Variants in MPO observed in about 807,000 individuals in gnomAD.
MPO encodes the protein myeloperoxidase.
Under a neutral mutation model 69.4 loss-of-function variants are expected in MPO, and 57 were observed. The observed-to-expected ratio is 0.82, with a 90% CI of 0.66 to 1.02. MPO has a LOEUF of 1.02. Ranked by LOEUF, MPO falls within the 50% of genes least tolerant of loss-of-function variation. The pLI, the probability that MPO is intolerant of heterozygous loss-of-function variation, is 0.00. For missense variants in MPO, 971 were observed against 1,014.1 expected (o/e 0.96, Z 0.58); for synonymous variants, 426 against 417.1 (o/e 1.02, Z -0.26).
At chr17:58,277,014 A>G (rs1220318835) in intron 7 of MPO, among the ~76,000 whole-genome samples, 3 of 152,146 alleles carry the variant, frequency 2.0e-5, no homozygotes, top group African/African-American at 7.2e-5. Context: ...AGGCTGAGGC[A>G]GAAGAATCAC....
intron 2 of MPO, 104 bp from the exon 3 acceptor site, chr17:58,280,118 G>A (rs1381971942): frequency 3.4e-6 from 5 of 1,468,926 alleles, no homozygotes; most frequent in South Asian, 1.2e-5. Context: ...GCAGGCCCAC[G>A]GGTGGGAGGA....
At chr17:58,280,344 T>C (rs758074935) in intron 2 of MPO, 22 bp downstream of exon 2, 1 of 1,611,608 alleles carries the variant, frequency 6.2e-7, no homozygotes, top group African/African-American at 1.3e-5. Flanking sequence ...TGCCCAGAGC[T>C]GGGCAGTGCC....
chr17:58,273,043 C>A (rs959112827), intron 9 of MPO, 125 bp from the exon 10 acceptor site: 12 of 1,251,550 alleles, frequency 9.6e-6, no homozygotes, highest in Non-Finnish European at 1.3e-5. Context: ...CAAGCAGTGC[C>A]TGGTGCCAAG....
rs1204215941 is a variant in MPO, at chr17:58,278,111, G to A, written c.920C>T (p.Ala307Val). 6.2e-7 allele frequency: 1 copy of A among 1,605,190 alleles called. No individual in the cohort carries two copies. Among genetic ancestry groups the A allele is most frequent in the South Asian group, 1.1e-5 (1 of 91,080 alleles). ...GGAGCGGAAGAACGGGATGCAGTCG[G>A]CTTGGTTCTTGATGCGGGGGTCATT... is the stretch of plus-strand genomic sequence containing the variant. The part of the protein sequence containing the change: ...PPNDPRIKNQ[A>V]DCIPFFRSCP... Residue 307 changes from alanine (A) to valine (V), a missense_variant, in exon 7 of 12, where the codon GCC (alanine) becomes GTC (valine). Physicochemically the swap from Ala to Val is moderately conservative, Grantham distance 64. Coordinates refer to ENST00000225275, the MANE Select transcript of MPO (RefSeq NM_000250.2).
chr17:58,271,400 G>A (rs1970362771), intron 11 of MPO, among the ~76,000 whole-genome samples: 1 of 152,162 alleles, frequency 6.6e-6, no homozygotes, highest in Non-Finnish European at 1.5e-5. Flanking sequence ...AAACCCATGG[G>A]AAGAAGTAGC....
At chr17:58,274,347 A>AGAGTGTGT (rs1555607699) in intron 8 of MPO, 1 of 316,530 alleles carries the variant, frequency 3.2e-6, no homozygotes, top group African/African-American at 2.3e-5. Flanking sequence ...AGAATCTAGG[A>AGAGTGTGT]GTGTGTGTGT....
Position 58,275,706 on chromosome 17 carries a change from G to C in MPO, c.1205-4C>G. 1 of 1,614,092 alleles carries C rather than the reference G, an allele frequency of 6.2e-7. No homozygotes were observed. The highest frequency in any genetic ancestry group is 8.5e-7 in the Non-Finnish European group (1 of 1,179,996). ...ATCTCACTGGAACGGGTGTCCCCTT[G>C]GGGAGGCAAAAGCCACTGTCATTCT... On this transcript the variant is annotated splice_region_variant and splice_polypyrimidine_tract_variant and intron_variant, in intron 7 of 11. Transcript: ENST00000225275. The surrounding 1 kb of genome is among the most constrained non-coding windows in gnomAD (Gnocchi z 4.1).
chr17:58,272,498 T>G (rs1970378405), intron 10 of MPO, among the ~76,000 whole-genome samples: 1 of 152,162 alleles, frequency 6.6e-6, no homozygotes, highest in Admixed American at 6.5e-5. Flanking sequence ...AGACTGTGGG[T>G]TATCATTATG....
Position 58,270,387 on chromosome 17 carries a change from T to C in MPO, c.*269A>G. ...GTCCGCTCTGCTGCCTTCCACATAC[T>C]CAGTATTCTCATCAGCACAAACACA... On this transcript the variant is annotated 3_prime_UTR_variant, in exon 12 of 12. Coordinates refer to ENST00000225275, the MANE Select transcript of MPO (RefSeq NM_000250.2). This position sits in a 1 kb window ranked among gnomAD's most constrained non-coding sequence, Gnocchi z 4.1. 1 of 477,874 alleles carries C rather than the reference T, an allele frequency of 2.1e-6. No homozygotes were observed. Among genetic ancestry groups the C allele is most frequent in the Non-Finnish European group, 3.9e-6 (1 of 256,636 alleles). The allele number at this position is 477,874 out of a possible 1,614,324, so 29.6% of individuals were successfully genotyped here.
In MPO at chr17:58,280,837, A is replaced by G. The variant is rs1462552496; in HGVS notation, c.-79T>C. 1 of 1,558,874 alleles carries G rather than the reference A, an allele frequency of 6.4e-7. No homozygotes were observed. On this transcript the variant is annotated 5_prime_UTR_variant, in exon 1 of 12. Coordinates refer to ENST00000225275, the MANE Select transcript of MPO (RefSeq NM_000250.2). ...GGGCCCTGTCTATGGATAAAGCCAGACCTCCTTGAGGGAGGGGCTCACTGC... is the reference window on the plus strand; with the variant it reads ...GGGCCCTGTCTATGGATAAAGCCAGGCCTCCTTGAGGGAGGGGCTCACTGC...
chr17:58,273,472 G>T lies in MPO; in HGVS notation c.1563C>A (p.Pro521=). 1 of 1,610,660 alleles carries T rather than the reference G, an allele frequency of 6.2e-7. No individual in the cohort carries two copies. Among genetic ancestry groups the T allele is most frequent in the Non-Finnish European group, 8.5e-7 (1 of 1,176,732 alleles). Residue 521 remains proline, a synonymous_variant, in exon 9 of 12, where the codon CCC becomes CCA. Transcript: ENST00000225275. ...RLDNRYQPME[P]NPRVPLSRVF... ...CCCTGCTGAGGGGGACACGGGGGTT[G>T]GGTTCCATGGGCTGGTACCGATTGT...
intron 2 of MPO, 71 bp from the exon 3 acceptor site, chr17:58,280,085 G>A (rs537847924): frequency 1.9e-6 from 3 of 1,592,870 alleles, no homozygotes; most frequent in East Asian, 2.2e-5. Flanking sequence ...CCAGCCCAGG[G>A]GCAGACATGC....
rs397843937 is a variant in MPO, at chr17:58,275,523, G to C, written c.1365+19C>G. The C allele has an allele frequency of 1.2e-6, 2 of 1,614,082 alleles. No individual in the cohort carries two copies. The highest frequency in any genetic ancestry group is 2.2e-5 in the East Asian group (1 of 44,884). ...GGACACATCTGGATCCCGTGTGCCC[G>C]GTGTTCAAGACGGCCTACCTGGACC... is the stretch of plus-strand genomic sequence containing the variant. On this transcript the variant is annotated intron_variant, in intron 8 of 11. Coordinates refer to ENST00000225275, the MANE Select transcript of MPO (RefSeq NM_000250.2). This position sits in a 1 kb window ranked among gnomAD's most constrained non-coding sequence, Gnocchi z 4.1.
At position 58,275,520 on chromosome 17, in the gene MPO, C is replaced by T; in HGVS notation, c.1365+22G>A. 6.2e-7 allele frequency: 1 copy of T among 1,614,034 alleles called. No individual in the cohort carries two copies. The highest frequency in any genetic ancestry group is 1.7e-5 in the Admixed American group (1 of 60,004). Reference sequence around the variant, plus strand: ...CAGGGACACATCTGGATCCCGTGTGCCCGGTGTTCAAGACGGCCTACCTGG... The same window carrying T: ...CAGGGACACATCTGGATCCCGTGTGTCCGGTGTTCAAGACGGCCTACCTGG... On this transcript the variant is annotated intron_variant, in intron 8 of 11. Coordinates refer to ENST00000225275, the MANE Select transcript of MPO (RefSeq NM_000250.2). This position sits in a 1 kb window ranked among gnomAD's most constrained non-coding sequence, Gnocchi z 4.1.
rs749215572 is a variant in MPO at position 58,270,163 on chromosome 17, C to T, written c.*493G>A. On this transcript the variant is annotated 3_prime_UTR_variant, in exon 12 of 12. Coordinates refer to ENST00000225275, the MANE Select transcript of MPO (RefSeq NM_000250.2). This position sits in a 1 kb window ranked among gnomAD's most constrained non-coding sequence, Gnocchi z 4.1. ...TATGCTTCTCACGCCTAGTACAGTG[C>T]CTTGCATGTAGTAGGTGCTCAATAA... 1.1e-5 allele frequency: 3 copies of T among 283,354 alleles called. No individual in the cohort carries two copies. Among genetic ancestry groups the T allele is most frequent in the Admixed American group, 4.8e-5 (1 of 20,676 alleles). The allele number at this position is 283,354 out of a possible 1,614,324, so 17.6% of individuals were successfully genotyped here.
intron 7 of MPO, among the ~76,000 whole-genome samples, chr17:58,277,321 G>T (rs939968907): frequency 2.1e-4 from 32 of 152,314 alleles, no homozygotes; most frequent in African/African-American, 7.7e-4. Flanking sequence ...CCAATAGGGG[G>T]AGCCACTAGA....
At chr17:58,274,690 C>T (rs1009139657) in intron 8 of MPO, among the ~76,000 whole-genome samples, 7 of 151,552 alleles carry the variant, frequency 4.6e-5, no homozygotes, top group African/African-American at 9.7e-5. Flanking sequence ...CGTGGTGGCC[C>T]GTGCTTGAAA....
chr17:58,279,219 G>T lies in MPO; in HGVS notation c.679-5C>A. On this transcript the variant is annotated splice_polypyrimidine_tract_variant and splice_region_variant and intron_variant, in intron 5 of 11. Transcript: ENST00000225275. ...CTCGTTGGAGACCGCGCGAGCCTGC[G>T]GGACACGGAGATCAGCTGGCGCCTG... The T allele has an allele frequency of 6.3e-7, 1 of 1,597,076 alleles. No homozygotes were observed.
At position 58,275,915 on chromosome 17, in the gene MPO, C is replaced by T. The variant is rs1379877192; in HGVS notation, c.1205-213G>A. Among the ~76,000 whole-genome samples, 3 of 152,194 alleles carry T rather than the reference C, an allele frequency of 2.0e-5. No individual in the cohort carries two copies. The highest frequency in any genetic ancestry group is 2.4e-5 in the African/African-American group (1 of 41,456). On this transcript the variant is annotated intron_variant, in intron 7 of 11. Transcript: ENST00000225275. The surrounding 1 kb of genome is among the most constrained non-coding windows in gnomAD (Gnocchi z 4.1). Reference sequence around the variant, plus strand: ...GATAGCTTCTGCCTCAGCTCAGGGCCGCTGCTGGTTGGGGATGCTCATTCA... The same window carrying T: ...GATAGCTTCTGCCTCAGCTCAGGGCTGCTGCTGGTTGGGGATGCTCATTCA...
Sources: allele counts gnomAD v4.1 joint callset (sites outside exome capture counted in the v4.1 genomes callset), GRCh38; gene constraint gnomAD v4.1.1; non-coding constraint Gnocchi (gnomAD v3.1); transcripts MANE v1.5; gene names NCBI Gene and HGNC (gene_info 2026-07-23, HGNC 2026-07-21).